The following MOK variants were observed in gnomAD, a reference collection of about 807,000 sequenced individuals.
MOK encodes MAPK/MAK/MRK overlapping kinase.
In MOK, 59 loss-of-function variants were observed where a neutral mutation model predicts 54.2. That is an observed-to-expected ratio of 1.09 (90% confidence interval 0.88 to 1.35). The LOEUF (loss-of-function observed/expected upper bound fraction) is 1.35, where lower values mean the gene tolerates loss of function less well. Ranked by LOEUF, MOK falls within the 40% of genes most tolerant of loss-of-function variation. MOK has a pLI of 0.00. For missense variants in MOK, 517 were observed against 526.2 expected (o/e 0.98, Z 0.17); for synonymous variants, 210 against 202.7 (o/e 1.04, Z -0.31).
chr14:102,239,438 A>AGACCCTTTCCTCTTACAAAACAGCCCTCC (rs1237591823), intron 7 of MOK, among the ~76,000 whole-genome samples: 1 of 151,808 alleles, frequency 6.6e-6, no homozygotes, highest in African/African-American at 2.4e-5. Context: ...CCTCCTTCTG[A>AGACCCTTTCCTCTTACAAAACAGCCCTCC]TTCTCAATTA....
At chr14:102,239,450 G>A (rs564163509) in intron 7 of MOK, among the ~76,000 whole-genome samples, 5 of 125,866 alleles carry the variant, frequency 4.0e-5, no homozygotes, top group African/African-American at 1.3e-4. Flanking sequence ...TCTCAATTAG[G>A]AGAGTACCTC....
At chr14:102,300,832 C>T (rs1320864880) in intron 1 of MOK, among the ~76,000 whole-genome samples, 2 of 152,204 alleles carry the variant, frequency 1.3e-5, no homozygotes, top group Non-Finnish European at 2.9e-5. Context: ...CACACTGGCT[C>T]ACACCTGTAA....
chr14:102,251,130 G>A, intron 6 of MOK, 140 bp from the exon 7 acceptor site: 4 of 878,416 alleles, frequency 4.6e-6, no homozygotes, highest in East Asian at 2.7e-5. Context: ...CTGGCTTTCT[G>A]AGCACCTCAA....
rs773703685 is a variant in MOK, at chr14:102,232,582, T to C, written c.819A>G (p.Arg273=). The C allele has an allele frequency of 6.8e-6, 11 of 1,613,744 alleles. No homozygotes were observed. Among genetic ancestry groups the C allele is most frequent in the Non-Finnish European group, 9.3e-6 (11 of 1,179,896 alleles). ...HAMVAYDPDE[R]IAAHQALQHP... ...GCTGCAGGGCCTGGTGGGCGGCGATTCTCTCATCGGGATCATAGGCCACCA... is the reference window on the plus strand; with the variant it reads ...GCTGCAGGGCCTGGTGGGCGGCGATCCTCTCATCGGGATCATAGGCCACCA... Residue 273 remains arginine, a synonymous_variant, in exon 9 of 12, where the codon AGA becomes AGG. Transcript: ENST00000361847. This position sits in a 1 kb window ranked among gnomAD's most constrained non-coding sequence, Gnocchi z 5.1.
rs547265552 is a variant in MOK at position 102,235,952 on chromosome 14, G to A, written c.591-2163C>T. On this transcript the variant is annotated intron_variant, in intron 7 of 11. Coordinates refer to ENST00000361847, the MANE Select transcript of MOK (RefSeq NM_014226.3). This position sits in a 1 kb window ranked among gnomAD's most constrained non-coding sequence, Gnocchi z 4.4. Reference sequence around the variant, plus strand: ...GCAGCGGCTGTCCATCAACCCAGCCGTATCACCCAAGGGCACAAAAGACCC... The same window carrying A: ...GCAGCGGCTGTCCATCAACCCAGCCATATCACCCAAGGGCACAAAAGACCC... 1.9e-4 allele frequency among the ~76,000 whole-genome samples: 29 copies of A among 152,276 alleles called. No homozygotes were observed. The highest frequency in any genetic ancestry group is 1.3e-3 in the Admixed American group (20 of 15,302).
intron 2 of MOK, among the ~76,000 whole-genome samples, chr14:102,276,329 C>T (rs1047385040): frequency 2.1e-5 from 3 of 144,834 alleles, no homozygotes; most frequent in African/African-American, 7.6e-5. Context: ...CTAAAAAATA[C>T]AAAAAAAAAA....
chr14:102,224,093 G>A (rs577013998), downstream of MOK, among the ~76,000 whole-genome samples: 28 of 147,138 alleles, frequency 1.9e-4, no homozygotes, highest in African/African-American at 6.1e-4. Context: ...CCAGGCTGGA[G>A]TGCAGTGGCG....
chr14:102,254,673 C>G (rs1019938015), intron 4 of MOK, among the ~76,000 whole-genome samples: 1 of 152,170 alleles, frequency 6.6e-6, no homozygotes, highest in Non-Finnish European at 1.5e-5. Context: ...CCCATCTCCA[C>G]CCACATGTCT....
intron 1 of MOK, among the ~76,000 whole-genome samples, chr14:102,293,915 GAA>G (rs2071085805): frequency 6.6e-6 from 1 of 152,136 alleles, no homozygotes. Flanking sequence ...AGAAATCAGT[GAA>G]AGTGTTGGCT....
At chr14:102,280,472 A>G (rs895091308) in intron 2 of MOK, among the ~76,000 whole-genome samples, 3 of 152,170 alleles carry the variant, frequency 2.0e-5, no homozygotes, top group Non-Finnish European at 4.4e-5. Context: ...AGGCCTTCCA[A>G]CGTGCTGGGA....
At chr14:102,227,415 C>T (rs2064294521), downstream of MOK, among the ~76,000 whole-genome samples, 1 of 151,906 alleles carries the variant, frequency 6.6e-6, no homozygotes, top group Non-Finnish European at 1.5e-5. Context: ...GTCCGACTCC[C>T]CTGGGACTCC....
Position 102,296,385 on chromosome 14 carries a change from A to G in MOK, c.7+8577T>C, listed in dbSNP as rs571708922. ...TTGATTTTGGGTAAGGAACAACCAT[A>G]TATTTATATGTATATACACACACAC... is the stretch of plus-strand genomic sequence containing the variant. On this transcript the variant is annotated intron_variant, in intron 1 of 11. Coordinates refer to ENST00000361847, the MANE Select transcript of MOK (RefSeq NM_014226.3). Among the ~76,000 whole-genome samples the G allele has an allele frequency of 4.6e-5, 7 of 152,304 alleles. No individual in the cohort carries two copies. The South Asian group carries it at 1.5e-3, about 32-fold the overall frequency.
chr14:102,269,494 A>G, intron 2 of MOK, among the ~76,000 whole-genome samples: 1 of 140,264 alleles, frequency 7.1e-6, no homozygotes, highest in African/African-American at 2.7e-5. Context: ...TTTTTGTGAG[A>G]CGGAGTCTTG....
At chr14:102,267,689 T>C (rs2068027822) in intron 2 of MOK, among the ~76,000 whole-genome samples, 1 of 152,216 alleles carries the variant, frequency 6.6e-6, no homozygotes, top group South Asian at 2.1e-4. Context: ...AGAATATTTT[T>C]GGACTAAAAG....
intron 2 of MOK, 194 bp downstream of exon 2, chr14:102,283,284 A>G: frequency 2.3e-6 from 1 of 433,142 alleles, no homozygotes; most frequent in Middle Eastern, 3.7e-4. Context: ...CATCACTGAT[A>G]TTACAGTAAG....
intron 2 of MOK, among the ~76,000 whole-genome samples, chr14:102,274,254 C>CA (rs901343060): frequency 7.6e-6 from 1 of 131,848 alleles, no homozygotes; most frequent in Admixed American, 7.6e-5. Context: ...ACCGTACCTG[C>CA]ATTTTTTTTT....
intron 2 of MOK, among the ~76,000 whole-genome samples, chr14:102,277,963 G>A (rs2069039140): frequency 6.6e-6 from 1 of 152,168 alleles, no homozygotes. Flanking sequence ...GATATGAGGA[G>A]GTGGGGCTTT....
chr14:102,265,718 T>C (rs1386509701), intron 3 of MOK, 105 bp downstream of exon 3: 2 of 874,660 alleles, frequency 2.3e-6, no homozygotes, highest in Admixed American at 4.9e-5. Context: ...GGTTACTCTC[T>C]GAGCTACAAA....
At chr14:102,283,016 T>C (rs1021847863) in intron 2 of MOK, 3 of 131,182 alleles carry the variant, frequency 2.3e-5, no homozygotes, top group African/African-American at 9.1e-5. Context: ...ATTGTGCCAC[T>C]GCACTCCAGC....
Sources: allele counts gnomAD v4.1 joint callset (sites outside exome capture counted in the v4.1 genomes callset), GRCh38; gene constraint gnomAD v4.1.1; non-coding constraint Gnocchi (gnomAD v3.1); transcripts MANE v1.5; gene names NCBI Gene and HGNC (gene_info 2026-07-23, HGNC 2026-07-21).